EDNRB: variants seen among roughly 807,000 people sequenced by gnomAD.
EDNRB encodes endothelin receptor type B.
A neutral mutation model predicts 46.4 loss-of-function variants in EDNRB; 18 were observed. That is an observed-to-expected ratio of 0.39 (90% CI 0.27 to 0.57). The LOEUF (loss-of-function observed/expected upper bound fraction) is 0.57, where lower values mean the gene tolerates loss of function less well. EDNRB is among the 20% of genes least tolerant of loss of function. The pLI, the probability that EDNRB is intolerant of heterozygous loss-of-function variation, is 0.61. For missense variants in EDNRB, 434 were observed against 537.5 expected, an observed-to-expected ratio of 0.81 and a Z score of 1.90; for synonymous variants, 213 against 204.9, an observed-to-expected ratio of 1.04 and a Z score of -0.34.
At chr13:77,945,891 A>AC (rs1481282399) in intron 1 of EDNRB, among the ~76,000 whole-genome samples, 11 of 151,560 alleles carry the variant, frequency 7.3e-5, no homozygotes, top group Non-Finnish European at 1.6e-4. Flanking sequence ...AAAAAAAAAA[A>AC]AACAAAAAAA....
rs149821061 is a variant in EDNRB, at chr13:77,937,120, G to A, written c.-51-18496C>T. On this transcript the variant is annotated intron_variant, in intron 1 of 7. Transcript: ENST00000646948. ...CTTTCTGGGTCTAGGGCGGTAAAGC[G>A]TCTAAGGGTTGCTGCTAAGTGGGCC... 9.5e-3 allele frequency among the ~76,000 whole-genome samples: 1,446 copies of A among 152,308 alleles called. 7 individuals carry two copies. Among genetic ancestry groups the A allele is most frequent in the African/African-American group, 0.019 (791 of 41,554 alleles).
chr13:77,905,079 C>T (rs1879205583), intron 1 of EDNRB, among the ~76,000 whole-genome samples: 1 of 151,858 alleles, frequency 6.6e-6, no homozygotes, highest in African/African-American at 2.4e-5. Flanking sequence ...GCAGACTTAT[C>T]ATATATATGC....
intron 1 of EDNRB, among the ~76,000 whole-genome samples, chr13:77,945,181 T>A (rs1880869656): frequency 6.6e-6 from 1 of 152,200 alleles, no homozygotes; most frequent in South Asian, 2.1e-4. Context: ...CATGTGTACA[T>A]TTTATGTTTT....
upstream of EDNRB, among the ~76,000 whole-genome samples, chr13:77,922,703 G>A (rs1446776096): frequency 5.3e-5 from 8 of 152,178 alleles, no homozygotes; most frequent in African/African-American, 1.9e-4. Flanking sequence ...AGTGACTGTA[G>A]CTATCTGGAT....
chr13:77,931,420 T>C (rs1374993069), intron 1 of EDNRB, among the ~76,000 whole-genome samples: 2 of 152,186 alleles, frequency 1.3e-5, no homozygotes, highest in African/African-American at 2.4e-5. Flanking sequence ...TTTTGTATGA[T>C]ATAATCCAGC....
At position 77,896,406 on chromosome 13, in the gene EDNRB, G is replaced by C; in HGVS notation, c.*1794C>G. On this transcript the variant is annotated 3_prime_UTR_variant, in exon 7 of 7. Coordinates refer to ENST00000646607, the MANE Select transcript of EDNRB (RefSeq NM_001122659.3). Reference sequence around the variant, plus strand: ...GGATGAAATTAAAGAACAAGTTTGTGGGTGATTTATAAATAGAATCCATAT... The same window carrying C: ...GGATGAAATTAAAGAACAAGTTTGTCGGTGATTTATAAATAGAATCCATAT... The C allele has an allele frequency of 1.3e-6, 2 of 1,530,196 alleles. No homozygotes were observed. The highest frequency in any genetic ancestry group is 1.8e-6 in the Non-Finnish European group (2 of 1,139,508). 94.8% of individuals were successfully genotyped at this position (1,530,196 alleles called of 1,614,324 possible). A position where few individuals can be genotyped will look rare whatever the true frequency, so the allele number is the denominator to read the frequency against.
intron 1 of EDNRB, among the ~76,000 whole-genome samples, chr13:77,973,159 T>G (rs1594406422): frequency 6.6e-6 from 1 of 152,196 alleles, no homozygotes; most frequent in Non-Finnish European, 1.5e-5. Flanking sequence ...GACTTTATAG[T>G]CCTTAGTGCC....
chr13:77,971,122 A>T (rs2137695699), intron 1 of EDNRB, among the ~76,000 whole-genome samples: 1 of 152,290 alleles, frequency 6.6e-6, no homozygotes, highest in Middle Eastern at 3.4e-3. Context: ...GCCCACTAGA[A>T]TAAACTGAGT....
chr13:77,918,085 C>A lies in EDNRB; in HGVS notation c.483+6G>T. ...GCCCACCATGATTTCAGCAGGCGCC[C>A]TTTACCTTGTAGACATTGATAGGGA... is the stretch of plus-strand genomic sequence containing the variant. On this transcript the variant is annotated splice_donor_region_variant and intron_variant, in intron 1 of 6. Transcript: ENST00000646607. The surrounding 1 kb of genome is among the most constrained non-coding windows in gnomAD (Gnocchi z 4.5). The A allele has an allele frequency of 1.9e-6, 3 of 1,614,082 alleles. No homozygotes were observed. The highest frequency in any genetic ancestry group is 2.5e-6 in the Non-Finnish European group (3 of 1,180,020).
chr13:77,958,310 A>G (rs948894571), intron 1 of EDNRB, among the ~76,000 whole-genome samples: 1 of 152,094 alleles, frequency 6.6e-6, no homozygotes, highest in Non-Finnish European at 1.5e-5. Context: ...AGGTTGTAAT[A>G]TTGGCATCAG....
chr13:77,908,616 A>T (rs1331818409), intron 1 of EDNRB, among the ~76,000 whole-genome samples: 1 of 151,998 alleles, frequency 6.6e-6, no homozygotes, highest in East Asian at 1.9e-4. Flanking sequence ...GAGGAAATGG[A>T]TTCACTTTAT....
At chr13:77,941,099 T>C (rs1429977927) in intron 1 of EDNRB, among the ~76,000 whole-genome samples, 1 of 152,226 alleles carries the variant, frequency 6.6e-6, no homozygotes, top group Non-Finnish European at 1.5e-5. Context: ...GCTCATAATA[T>C]AGTTCTTAGA....
At chr13:77,906,407 A>G (rs1879281773) in intron 1 of EDNRB, among the ~76,000 whole-genome samples, 1 of 152,062 alleles carries the variant, frequency 6.6e-6, no homozygotes, top group Non-Finnish European at 1.5e-5. Context: ...CATGAAGCCT[A>G]ATTTCCCTGC....
upstream of EDNRB, among the ~76,000 whole-genome samples, chr13:77,922,081 C>T (rs1472541158): frequency 1.3e-5 from 2 of 151,840 alleles, no homozygotes; most frequent in Admixed American, 1.3e-4. Flanking sequence ...TTTAAGAATT[C>T]CTACCTGCAA....
In EDNRB at chr13:77,903,508, G is replaced by A. The variant is rs1879111632; in HGVS notation, c.583C>T (p.Leu195=). The change falls in exon 2 of 7, where the codon CTG becomes TTG. Residue 195 remains leucine, a synonymous_variant. Coordinates refer to ENST00000646607, the MANE Select transcript of EDNRB (RefSeq NM_001122659.3). Reference sequence around the variant, plus strand: ...AGAAGCTTCTACCTGTCAATACTCAGAGCACATAGACTCAGCACAGTGATT... The same window carrying A: ...AGAAGCTTCTACCTGTCAATACTCAAAGCACATAGACTCAGCACAGTGATT... ...VGITVLSLCA[L]SIDRYRAVAS... 1 of 1,612,662 alleles carries A rather than the reference G, an allele frequency of 6.2e-7. No individual in the cohort carries two copies. Among genetic ancestry groups the A allele is most frequent in the Admixed American group, 1.7e-5 (1 of 59,814 alleles).
At chr13:77,913,229 C>T (rs780102103) in intron 1 of EDNRB, among the ~76,000 whole-genome samples, 2 of 152,092 alleles carry the variant, frequency 1.3e-5, no homozygotes, top group Non-Finnish European at 2.9e-5. Context: ...GAAGCAATTC[C>T]GCATTTTGAC....
rs1037583679 is a variant in EDNRB, at chr13:77,897,326, C to G, written c.*874G>C. ...AGTGAAAGAAGAAGATTTTAATAATCCTGAAAAAATTGTAGATAGTATTGT... is the reference window on the plus strand; with the variant it reads ...AGTGAAAGAAGAAGATTTTAATAATGCTGAAAAAATTGTAGATAGTATTGT... On this transcript the variant is annotated 3_prime_UTR_variant, in exon 7 of 7. Transcript: ENST00000646607. The G allele has an allele frequency of 1.1e-5, 11 of 985,050 alleles. No homozygotes were observed. In the African/African-American group the frequency reaches 1.9e-4, roughly 17 times the overall value. 61.0% of individuals were successfully genotyped at this position (985,050 alleles called of 1,614,324 possible).
chr13:77,907,068 T>C (rs1026565336), intron 1 of EDNRB, among the ~76,000 whole-genome samples: 2 of 152,014 alleles, frequency 1.3e-5, no homozygotes, highest in African/African-American at 4.8e-5. Flanking sequence ...TAGTAAAATA[T>C]CTAGATGCAG....
chr13:77,902,764 A>G (rs1335449513), intron 3 of EDNRB, among the ~76,000 whole-genome samples: 2 of 152,016 alleles, frequency 1.3e-5, no homozygotes, highest in Non-Finnish European at 2.9e-5. Context: ...TGCTCTCGCC[A>G]TTGCTCCATT....
Sources: gnomAD v4.1 joint callset for allele counts (sites outside exome capture counted in the v4.1 genomes callset) on GRCh38, gnomAD v4.1.1 for gene constraint, Gnocchi (gnomAD v3.1) non-coding constraint, MANE v1.5 for transcripts, NCBI Gene and HGNC (gene_info 2026-07-23, HGNC 2026-07-21) for gene names.